The following CALN1 variants were observed in gnomAD, a reference collection of about 807,000 sequenced individuals.
The protein encoded by CALN1 is calcium-binding protein 8.
CALN1 carries 17 observed loss-of-function variants against 30.6 expected under a neutral mutation model. The ratio of observed to expected loss-of-function variants is 0.56; its 90% CI spans 0.38 to 0.83. The LOEUF is 0.83. CALN1 is among the 40% of genes least tolerant of loss of function. The pLI, the probability that CALN1 is intolerant of heterozygous loss-of-function variation, is 0.00. For synonymous variants in CALN1, 156 were observed against 131.4 expected, an observed-to-expected ratio of 1.19 and a Z score of -1.28; for missense variants, 291 against 354.9, an observed-to-expected ratio of 0.82 and a Z score of 1.45.
intron 3 of CALN1, among the ~76,000 whole-genome samples, chr7:72,181,223 T>C (rs1024049823): frequency 6.8e-6 from 1 of 147,786 alleles, no homozygotes; most frequent in Non-Finnish European, 1.5e-5. Flanking sequence ...GGAATATATA[T>C]AATATATAAA....
intron 1 of CALN1, among the ~76,000 whole-genome samples, chr7:72,420,862 C>T (rs1208346532): frequency 6.6e-6 from 1 of 152,094 alleles, no homozygotes; most frequent in East Asian, 1.9e-4. Flanking sequence ...GATCCACCCG[C>T]CTCAGCCTCC....
chr7:72,262,026 C>T (rs1010096964), intron 3 of CALN1, among the ~76,000 whole-genome samples: 9 of 152,166 alleles, frequency 5.9e-5, no homozygotes, highest in African/African-American at 2.2e-4. Context: ...CTTCAAACAC[C>T]ACCTCCCGCT....
At chr7:72,487,852 A>G in the CALN1 span, among the ~76,000 whole-genome samples, 3 of 72,614 alleles carry the variant, frequency 4.1e-5, no homozygotes, top group Admixed American at 1.4e-4. Context: ...AAGAAAAAGA[A>G]AGAGAAAGAA....
intron 3 of CALN1, among the ~76,000 whole-genome samples, chr7:72,233,326 TC>T (rs1794246221): frequency 6.6e-6 from 1 of 151,772 alleles, no homozygotes; most frequent in Non-Finnish European, 1.5e-5. Flanking sequence ...GAGAAGACGG[TC>T]TCGGGGAGTT....
intron 3 of CALN1, among the ~76,000 whole-genome samples, chr7:72,145,724 A>G (rs529715829): frequency 1.7e-3 from 266 of 152,348 alleles, no homozygotes; most frequent in South Asian, 5.0e-3. Flanking sequence ...AATCCTCAAT[A>G]AAATACTGGC....
chr7:72,278,789 A>G lies in CALN1; in HGVS notation c.141T>C (p.His47=), dbSNP rs888761515. 3.1e-6 allele frequency: 5 copies of G among 1,613,420 alleles called. No individual in the cohort carries two copies. The highest frequency in any genetic ancestry group is 2.2e-5 in the South Asian group (2 of 91,066). Residue 47 remains histidine (H), a synonymous_variant, in exon 3 of 7, where the codon CAT becomes CAC. Transcript: ENST00000395275. ...CCTTGTACAACAAGCCGGCGGTCAC[A>G]TGGTGGAACGGCATCTTTTCCCTGC... ...FPTWEKMPFH[H]VTAGLLYKGN...
At chr7:72,331,071 C>T (rs529459752) in intron 2 of CALN1, among the ~76,000 whole-genome samples, 12 of 152,246 alleles carry the variant, frequency 7.9e-5, no homozygotes, top group Middle Eastern at 3.4e-3. Flanking sequence ...CTCTCCTGGC[C>T]GGGCACGGTG....
At chr7:72,301,381 G>A (rs1211346091) in intron 2 of CALN1, among the ~76,000 whole-genome samples, 8 of 151,964 alleles carry the variant, frequency 5.3e-5, no homozygotes, top group African/African-American at 1.9e-4. Flanking sequence ...GCCGAGGCAG[G>A]TGTATCACTT....
chr7:72,340,428 G>A (rs1802327007), intron 2 of CALN1, among the ~76,000 whole-genome samples: 1 of 151,660 alleles, frequency 6.6e-6, no homozygotes, highest in Admixed American at 6.6e-5. Context: ...GAGCTTTCAT[G>A]GATTGATTTA....
At chr7:71,869,269 G>A (rs543271813) in intron 5 of CALN1, among the ~76,000 whole-genome samples, 3 of 151,398 alleles carry the variant, frequency 2.0e-5, no homozygotes, top group Admixed American at 6.6e-5. Context: ...GGAGTGCAAT[G>A]GCACGATATT....
intron 5 of CALN1, among the ~76,000 whole-genome samples, chr7:71,969,857 C>T (rs1797710763): frequency 1.3e-5 from 2 of 150,364 alleles, no homozygotes; most frequent in South Asian, 4.2e-4. Flanking sequence ...CAGGGTCTCA[C>T]TCTGTCACCC....
chr7:72,254,777 C>CCG, intron 3 of CALN1, among the ~76,000 whole-genome samples: 1 of 152,072 alleles, frequency 6.6e-6, no homozygotes, highest in Admixed American at 6.6e-5. Context: ...CTTTCCCCCC[C>CCG]GCTGAGACAG....
intron 4 of CALN1, among the ~76,000 whole-genome samples, chr7:72,036,484 T>C (rs922032264): frequency 6.6e-6 from 1 of 152,246 alleles, no homozygotes; most frequent in East Asian, 1.9e-4. Context: ...ATTGGTCCAC[T>C]TGATGGACAC....
At chr7:72,105,785 A>AGGGG (rs949120235) in intron 4 of CALN1, among the ~76,000 whole-genome samples, 1 of 74,042 alleles carries the variant, frequency 1.4e-5, no homozygotes, top group African/African-American at 6.6e-5. Context: ...GAGGAGGAGG[A>AGGGG]GGGGGGAGGG....
At chr7:72,437,050 G>C (rs1401626035) in intron 1 of CALN1, among the ~76,000 whole-genome samples, 1 of 151,516 alleles carries the variant, frequency 6.6e-6, no homozygotes, top group African/African-American at 2.4e-5. Flanking sequence ...ACTCCAGCCT[G>C]GTGACCAGAT....
chr7:72,449,193 G>A (rs1037527505), upstream of CALN1, among the ~76,000 whole-genome samples: 1 of 152,188 alleles, frequency 6.6e-6, no homozygotes, highest in Non-Finnish European at 1.5e-5. Flanking sequence ...AGGAAGGAAG[G>A]GGATATATGG....
At chr7:71,900,427 A>G (rs894394562) in intron 5 of CALN1, among the ~76,000 whole-genome samples, 6 of 152,252 alleles carry the variant, frequency 3.9e-5, no homozygotes, top group African/African-American at 1.4e-4. Flanking sequence ...CTCTGCCAAA[A>G]GACTCCTAGA....
At chr7:71,964,523 G>A (rs866999631) in intron 5 of CALN1, among the ~76,000 whole-genome samples, 6 of 152,036 alleles carry the variant, frequency 3.9e-5, no homozygotes, top group African/African-American at 1.5e-4. Flanking sequence ...ATGAGTGTAA[G>A]GTTTTATTGA....
intron 3 of CALN1, among the ~76,000 whole-genome samples, chr7:72,152,287 G>GAAAAC (rs1164174555): frequency 1.3e-5 from 2 of 152,062 alleles, no homozygotes; most frequent in Admixed American, 6.5e-5. Context: ...GGTTCTCTGT[G>GAAAAC]AAAACAAAAC....
Sources: gnomAD v4.1 joint callset for allele counts (sites outside exome capture counted in the v4.1 genomes callset) on GRCh38, gnomAD v4.1.1 for gene constraint, MANE v1.5 for transcripts, NCBI Gene and HGNC (gene_info 2026-07-23, HGNC 2026-07-21) for gene names.